Variants in KMT2C observed in about 807,000 individuals in gnomAD.
KMT2C encodes lysine methyltransferase 2C, also known as histone-lysine N-methyltransferase 2C.
Under a neutral mutation model 507.9 loss-of-function variants are expected in KMT2C, and 88 were observed. The ratio of observed to expected loss-of-function variants is 0.17; its 90% CI spans 0.15 to 0.21. KMT2C has a LOEUF of 0.21. Among genes scored for constraint, KMT2C ranks in the 10% least tolerant of loss-of-function variants. The pLI, the probability that KMT2C is intolerant of heterozygous loss-of-function variation, is 1.00. For synonymous variants in KMT2C, 2,049 were observed against 2,080.8 expected, an observed-to-expected ratio of 0.98 and a Z score of 0.42; for missense variants, 4,954 against 5,957.8, an observed-to-expected ratio of 0.83 and a Z score of 5.55.
intron 19 of KMT2C, 58 bp downstream of exon 19, chr7:152,224,377 G>A (rs113655636): frequency 0.013 from 19,752 of 1,539,074 alleles, 162 homozygotes; most frequent in Non-Finnish European, 0.015. Flanking sequence ...AAAAACCAAA[G>A]TGGTATGAGA....
At chr7:152,217,165 C>A (rs2094604932) in intron 23 of KMT2C, among the ~76,000 whole-genome samples, 2 of 152,050 alleles carry the variant, frequency 1.3e-5, no homozygotes, top group Non-Finnish European at 2.9e-5. Flanking sequence ...AGGTTTAATA[C>A]AAAATACCCA....
Position 152,178,025 on chromosome 7 carries a change from A to ATT in KMT2C, c.7443-16_7443-15insAA, listed in dbSNP as rs775669645. ...GAAATCCAAATCTTTTAAAAAAAAA[A>ATT]AAAAAAAAAAAAAAAAAGCAAATAG... On this transcript the variant is annotated splice_polypyrimidine_tract_variant and intron_variant, in intron 37 of 58. Transcript: ENST00000262189. The ATT allele has an allele frequency of 1.5e-5, 20 of 1,378,772 alleles. No individual in the cohort carries two copies. The African/African-American group carries it at 2.5e-4, about 17-fold the overall frequency. The allele number at this position is 1,378,772 out of a possible 1,614,324, so 85.4% of individuals were successfully genotyped here. A position where few individuals can be genotyped will look rare whatever the true frequency, so the allele number is the denominator to read the frequency against.
At chr7:152,369,647 G>A (rs2097277335) in intron 1 of KMT2C, among the ~76,000 whole-genome samples, 1 of 152,160 alleles carries the variant, frequency 6.6e-6, no homozygotes, top group Admixed American at 6.5e-5. Context: ...ACCCACAAGA[G>A]TAGGTTGTTA....
chr7:152,423,356 A>G (rs565959077), intron 1 of KMT2C, among the ~76,000 whole-genome samples: 1 of 152,312 alleles, frequency 6.6e-6, no homozygotes, highest in Admixed American at 6.5e-5. Context: ...CAAACAAACT[A>G]CATTCCCAGC....
chr7:152,353,495 ATTC>A (rs1251042195), intron 2 of KMT2C, among the ~76,000 whole-genome samples: 4 of 151,948 alleles, frequency 2.6e-5, no homozygotes, highest in Non-Finnish European at 5.9e-5. Flanking sequence ...ACTCATTAGC[ATTC>A]TTTTCTTTTT....
chr7:152,296,997 A>AAAGAAAGAAAGAAAGAAAGAAAGAAAG (rs2096505748), intron 6 of KMT2C, among the ~76,000 whole-genome samples: 10 of 59,008 alleles, frequency 1.7e-4, no homozygotes, highest in African/African-American at 5.5e-4. Flanking sequence ...GAAAGAAAGA[A>AAAGAAAGAAAGAAAGAAAGAAAGAAAG]AAAGAAAGAA....
chr7:152,211,510 A>G (rs2094453716), intron 23 of KMT2C, among the ~76,000 whole-genome samples: 1 of 152,242 alleles, frequency 6.6e-6, no homozygotes, highest in African/African-American at 2.4e-5. Flanking sequence ...GTGGCCAAGG[A>G]TAACACTGGA....
rs76084910 is a variant in KMT2C, at chr7:152,164,122, T to C, written c.9751-296A>G. Among the ~76,000 whole-genome samples the C allele has an allele frequency of 6.0e-3, 916 of 152,306 alleles. 8 individuals carry two copies. Among genetic ancestry groups the C allele is most frequent in the African/African-American group, 0.02 (831 of 41,546 alleles). ...TTAAAATCTTATGGTGAAACTCATATATACTATTTATACTATACATAAAAA... is the reference window on the plus strand; with the variant it reads ...TTAAAATCTTATGGTGAAACTCATACATACTATTTATACTATACATAAAAA... On this transcript the variant is annotated intron_variant, in intron 42 of 58. Transcript: ENST00000262189.
Position 152,135,512 on chromosome 7 carries a change from T to C in KMT2C, c.*1320A>G. 6.3e-6 allele frequency: 1 copy of C among 159,412 alleles called. No homozygotes were observed. Among genetic ancestry groups the C allele is most frequent in the Non-Finnish European group, 1.3e-5 (1 of 76,624 alleles). 9.9% of individuals were successfully genotyped at this position (159,412 alleles called of 1,614,324 possible). On this transcript the variant is annotated 3_prime_UTR_variant, in exon 59 of 59. Coordinates refer to ENST00000262189, the MANE Select transcript of KMT2C (RefSeq NM_170606.3). ...CAGCTGTAAGCATAATCACATCTCC[T>C]TTTTTTTTTTAACTTTTTCAAATTT...
rs186322195 is a variant in KMT2C at position 152,421,150 on chromosome 7, A to G, written c.161+14476T>C. ...ACAAGCATATGAAAAAATGCTCAACATCACTTATCATTAGAGAAATGCAAA... is the reference window on the plus strand; with the variant it reads ...ACAAGCATATGAAAAAATGCTCAACGTCACTTATCATTAGAGAAATGCAAA... On this transcript the variant is annotated intron_variant, in intron 1 of 58. Coordinates refer to ENST00000262189, the MANE Select transcript of KMT2C (RefSeq NM_170606.3). Among the ~76,000 whole-genome samples, 336 of 152,326 alleles carry G rather than the reference A, an allele frequency of 2.2e-3. 2 individuals carry two copies. Among genetic ancestry groups the G allele is most frequent in the East Asian group, 9.6e-3 (50 of 5,194 alleles).
At chr7:152,340,985 A>T (rs1394494583) in intron 2 of KMT2C, among the ~76,000 whole-genome samples, 1 of 152,356 alleles carries the variant, frequency 6.6e-6, no homozygotes, top group South Asian at 2.1e-4. Context: ...GTTTTCCTAC[A>T]TAACTTTTAA....
chr7:152,187,392 A>G lies in KMT2C; in HGVS notation c.4878T>C (p.Asn1626=), dbSNP rs1202914039. The G allele has an allele frequency of 6.8e-6, 11 of 1,613,926 alleles. No homozygotes were observed. Among genetic ancestry groups the G allele is most frequent in the Non-Finnish European group, 8.5e-6 (10 of 1,179,998 alleles). The change falls in exon 33 of 59, where the codon AAT becomes AAC. Residue 1626 remains asparagine (N), a synonymous_variant. Transcript: ENST00000262189. The part of the protein sequence containing the change: ...TSSAPTVEGE[N]DTMSNAQRST... ...TTCTCTGGGCATTCGACATTGTGTC[A>G]TTTTCTCCTTCCACAGTGGGAGCTG...
At chr7:152,330,179 GAGAAAA>G (rs2096869686) in intron 3 of KMT2C, among the ~76,000 whole-genome samples, 1 of 118,192 alleles carries the variant, frequency 8.5e-6, no homozygotes, top group African/African-American at 3.3e-5. Context: ...TGGGGGGGGG[GAGAAAA>G]AGAAAGAAAA....
At chr7:152,256,344 A>G (rs2095661969) in intron 9 of KMT2C, among the ~76,000 whole-genome samples, 18 of 152,102 alleles carry the variant, frequency 1.2e-4, no homozygotes. Flanking sequence ...AAAATAATAA[A>G]AACAAAGTCA....
At position 152,194,425 on chromosome 7, in the gene KMT2C, G is replaced by A. The variant is rs1407159772; in HGVS notation, c.4507+15C>T. ...AGGTCTTTTAGAAAGCCTAGATGTA[G>A]GGCAAATATTTTACCATCTGTGACC... On this transcript the variant is annotated intron_variant, in intron 29 of 58. Coordinates refer to ENST00000262189, the MANE Select transcript of KMT2C (RefSeq NM_170606.3). 4 of 1,611,658 alleles carry A rather than the reference G, an allele frequency of 2.5e-6. No individual in the cohort carries two copies. The highest frequency in any genetic ancestry group is 1.3e-5 in the African/African-American group (1 of 74,850).
intron 3 of KMT2C, among the ~76,000 whole-genome samples, chr7:152,329,930 G>T (rs2096864928): frequency 6.6e-6 from 1 of 152,048 alleles, no homozygotes. Flanking sequence ...TGGATCATGA[G>T]ATCAGGAGAT....
intron 9 of KMT2C, among the ~76,000 whole-genome samples, chr7:152,255,144 T>TATATATATATATAC (rs1361185988): frequency 4.3e-4 from 52 of 120,340 alleles, no homozygotes; most frequent in African/African-American, 7.7e-4. Flanking sequence ...TATATATATA[T>TATATATATATATAC]ACATATATAT....
At chr7:152,275,972 C>T (rs2096072719) in intron 6 of KMT2C, among the ~76,000 whole-genome samples, 1 of 152,192 alleles carries the variant, frequency 6.6e-6, no homozygotes, top group African/African-American at 2.4e-5. Context: ...AATTGACCAG[C>T]TTCTCAATGT....
At chr7:152,208,176 CAAAAT>C (rs924835854) in intron 23 of KMT2C, among the ~76,000 whole-genome samples, 4 of 152,150 alleles carry the variant, frequency 2.6e-5, no homozygotes, top group African/African-American at 9.7e-5. Flanking sequence ...CCAATGCCCT[CAAAAT>C]AAACTTTAAA....
Sources: allele counts gnomAD v4.1 joint callset (sites outside exome capture counted in the v4.1 genomes callset), GRCh38; gene constraint gnomAD v4.1.1; transcripts MANE v1.5; gene names NCBI Gene and HGNC (gene_info 2026-07-23, HGNC 2026-07-21).